The following DAGLB variants were observed in gnomAD, a reference collection of about 807,000 sequenced individuals.
DAGLB encodes diacylglycerol lipase-beta.
In DAGLB, 66 loss-of-function variants were observed where a neutral mutation model predicts 72.1. That is an observed-to-expected ratio of 0.92 (90% CI 0.75 to 1.12). The LOEUF is 1.12. Among genes scored for constraint, DAGLB ranks in the 50% most tolerant of loss-of-function variants. The pLI, the probability that DAGLB is intolerant of heterozygous loss-of-function variation, is 0.00. For missense variants in DAGLB, 1,065 were observed against 884.9 expected (o/e 1.20, Z -2.58); for synonymous variants, 414 against 359.5 (o/e 1.15, Z -1.71).
chr7:6,447,649 C>T (rs570440065), intron 1 of DAGLB, 99 bp downstream of exon 1: 2 of 1,461,744 alleles, frequency 1.4e-6, no homozygotes, highest in Non-Finnish European at 1.8e-6. Flanking sequence ...GGGACCGCGA[C>T]AGTGCTTGGG....
intron 6 of DAGLB, among the ~76,000 whole-genome samples, chr7:6,426,884 G>A (rs1175859840): frequency 6.6e-6 from 1 of 152,182 alleles, no homozygotes; most frequent in Non-Finnish European, 1.5e-5. Flanking sequence ...GAGGCAGGTG[G>A]ATCACCTGAA....
At chr7:6,430,862 G>A (rs979800104) in intron 5 of DAGLB, among the ~76,000 whole-genome samples, 1 of 150,884 alleles carries the variant, frequency 6.6e-6, no homozygotes, top group Non-Finnish European at 1.5e-5. Flanking sequence ...TGCTACCTCC[G>A]CCTCCCAGGT....
At chr7:6,428,848 A>G (rs951867280) in intron 6 of DAGLB, among the ~76,000 whole-genome samples, 5 of 152,136 alleles carry the variant, frequency 3.3e-5, no homozygotes, top group Admixed American at 3.3e-4. Flanking sequence ...TCTGTCACTC[A>G]GGCTGGAGTA....
chr7:6,416,890 T>G lies in DAGLB; in HGVS notation c.1250A>C (p.Gln417Pro), dbSNP rs1783936197. The G allele has an allele frequency of 1.9e-6, 3 of 1,614,086 alleles. No homozygotes were observed. In the African/African-American group the frequency reaches 4.0e-5, roughly 22 times the overall value. Residue 417 changes from glutamine (Q) to proline (P), a missense_variant, in exon 10 of 15, where the codon CAA becomes CCA. Gln to Pro is a moderately conservative substitution (Grantham distance 76). Coordinates refer to ENST00000297056, the MANE Select transcript of DAGLB (RefSeq NM_139179.4). ...CAAAATCCCGTCGTTGATGAGTCGT[T>G]GGTAAACGTATCTGGCAGCTTGAGA... ...GISQAARYVY[Q>P]RLINDGILSQ... is the part of the protein sequence containing the mutation.
At chr7:6,412,493 T>G in intron 13 of DAGLB, 1 of 332,430 alleles carries the variant, frequency 3.0e-6, no homozygotes, top group South Asian at 6.3e-5. Flanking sequence ...AGAGACAGGG[T>G]CTTGTTGTGT....
intron 1 of DAGLB, among the ~76,000 whole-genome samples, chr7:6,446,313 A>T (rs1583306063): frequency 2.1e-4 from 1 of 4,728 alleles, no homozygotes. Flanking sequence ...CGAAAAATAC[A>T]AAAAAAAAAA....
Position 6,416,641 on chromosome 7 carries a change from G to C in DAGLB, c.1413C>G (p.Pro471=), listed in dbSNP as rs200808542. The part of the protein sequence containing the change: ...PQVRCYAFSP[P]RGLWSKALQE... The stretch of plus-strand genomic sequence containing the variant: ...CAAAGGCTCACCTCCACAGCCCCCG[G>C]GGTGGGGAGAAGGCGTAGCACCTGA... Residue 471 remains proline (P), a synonymous_variant, in exon 11 of 15, where the codon CCC becomes CCG. Transcript: ENST00000297056. 3 of 1,610,574 alleles carry C rather than the reference G, an allele frequency of 1.9e-6. No individual in the cohort carries two copies. The African/African-American group carries it at 4.0e-5, about 21-fold the overall frequency.
Position 6,409,965 on chromosome 7 carries a change from T to C in DAGLB, c.1891A>G (p.Ile631Val). Residue 631 changes from isoleucine (I) to valine (V), a missense_variant, in exon 15 of 15, where the codon ATA (isoleucine) becomes GTA (valine). Transcript: ENST00000297056. ...TGGTCGGTGAGCATCTTCGGACCTA[T>C]GAGTATTTTGCTGAATTCCGCTTCG... Reference protein sequence around the residue: ...SHEAEFSKILIGPKMLTDHMP... With the variant: ...SHEAEFSKILVGPKMLTDHMP... The C allele has an allele frequency of 6.2e-7, 1 of 1,614,138 alleles. No homozygotes were observed. The highest frequency in any genetic ancestry group is 8.5e-7 in the Non-Finnish European group (1 of 1,180,030).
At chr7:6,443,230 C>A (rs1209621969) in intron 2 of DAGLB, among the ~76,000 whole-genome samples, 11 of 68,414 alleles carry the variant, frequency 1.6e-4, no homozygotes, top group East Asian at 3.1e-4. Context: ...ACAAAACAAA[C>A]AAAAAACTTT....
At position 6,412,804 on chromosome 7, in the gene DAGLB, C is replaced by G. The variant is rs201800456; in HGVS notation, c.1569+7G>C. 6.3e-7 allele frequency: 1 copy of G among 1,577,976 alleles called. No homozygotes were observed. The highest frequency in any genetic ancestry group is 1.1e-5 in the South Asian group (1 of 87,298). On this transcript the variant is annotated splice_region_variant and intron_variant, in intron 13 of 14. Transcript: ENST00000297056. Reference sequence around the variant, plus strand: ...CTGCTGACCCTCTCAACAAGGCACCCGCTTACCTTGGGTTTATTGCAGTGC... The same window carrying G: ...CTGCTGACCCTCTCAACAAGGCACCGGCTTACCTTGGGTTTATTGCAGTGC...
chr7:6,421,849 C>T (rs374735430), intron 8 of DAGLB, 45 bp from the exon 9 acceptor site: 39 of 1,599,020 alleles, frequency 2.4e-5, no homozygotes, highest in Non-Finnish European at 3.2e-5. Context: ...CTGTGATGGG[C>T]AGGGTGGGAG....
chr7:6,423,584 C>T (rs142240619), intron 8 of DAGLB, among the ~76,000 whole-genome samples: 3,545 of 149,678 alleles, frequency 0.024, 170 homozygotes, highest in African/African-American at 0.085. Context: ...CCACCATGCC[C>T]GGCTAATTTT....
rs549260966 is a variant in DAGLB at position 6,410,056 on chromosome 7, C to G, written c.1821-21G>C. 3.1e-5 allele frequency: 49 copies of G among 1,606,316 alleles called. No homozygotes were observed. In the South Asian group the frequency reaches 3.8e-4, roughly 12 times the overall value. On this transcript the variant is annotated intron_variant, in intron 14 of 14. Transcript: ENST00000297056. ...CAAACCTGAAGCAGAAAAGGAGAGACAGCTCCCACGCGGCCCCAGGGCTGA... is the reference window on the plus strand; with the variant it reads ...CAAACCTGAAGCAGAAAAGGAGAGAGAGCTCCCACGCGGCCCCAGGGCTGA...
rs1284719136 is a variant in DAGLB at position 6,446,020 on chromosome 7, G to A, written c.180C>T (p.Ile60=). ...CAACTGCCAGGAGAATCATGAGGAC[G>A]ATCAAGTAACTGCTGAGCAAGGCTC... is the stretch of plus-strand genomic sequence containing the variant. The part of the protein sequence containing the change: ...AGGALLSSYL[I]VLMILLAVVI... The change falls in exon 2 of 15, where the codon ATC becomes ATT. Residue 60 remains isoleucine, a synonymous_variant. Coordinates refer to ENST00000297056, the MANE Select transcript of DAGLB (RefSeq NM_139179.4). 4.3e-6 allele frequency: 7 copies of A among 1,613,484 alleles called. No homozygotes were observed. The highest frequency in any genetic ancestry group is 2.7e-5 in the African/African-American group (2 of 74,762).
chr7:6,423,178 A>ATTG (rs1784189165), intron 8 of DAGLB, among the ~76,000 whole-genome samples: 1 of 152,110 alleles, frequency 6.6e-6, no homozygotes, highest in Non-Finnish European at 1.5e-5. Flanking sequence ...CTTGAGCCCA[A>ATTG]GAGGTGGAGG....
chr7:6,410,878 G>GTTTTTTTTTTTTTTTTTTTTTTT (rs1562476598), intron 13 of DAGLB, among the ~76,000 whole-genome samples: 1 of 112,770 alleles, frequency 8.9e-6, no homozygotes, highest in African/African-American at 3.6e-5. Flanking sequence ...CTAATTTTTT[G>GTTTTTTTTTTTTTTTTTTTTTTT]TATTTTTTTT....
intron 2 of DAGLB, among the ~76,000 whole-genome samples, chr7:6,437,155 AAATAATAATAAT>A (rs36026233): frequency 5.6e-5 from 7 of 125,496 alleles, no homozygotes; most frequent in Non-Finnish European, 8.2e-5. Context: ...CTCCGTCTCA[AAATAATAATAAT>A]AATAATAATA....
chr7:6,442,944 C>G (rs61211132), intron 2 of DAGLB, among the ~76,000 whole-genome samples: 11,861 of 149,736 alleles, frequency 0.079, 1,104 homozygotes, highest in East Asian at 0.5. Flanking sequence ...GAGGCTGAGG[C>G]GGGCGGATCA....
chr7:6,444,268 G>C (rs1334424884), intron 2 of DAGLB, among the ~76,000 whole-genome samples: 1 of 152,020 alleles, frequency 6.6e-6, no homozygotes, highest in Non-Finnish European at 1.5e-5. Flanking sequence ...GCAAGACACT[G>C]TCTCTAACAA....
Sources: gnomAD v4.1 joint callset for allele counts (sites outside exome capture counted in the v4.1 genomes callset) on GRCh38, gnomAD v4.1.1 for gene constraint, MANE v1.5 for transcripts, NCBI Gene and HGNC (gene_info 2026-07-23, HGNC 2026-07-21) for gene names.